Variants in LZTR1 observed in about 807,000 individuals in gnomAD.
The protein encoded by LZTR1 is leucine zipper like post translational regulator 1.
In LZTR1, 260 loss-of-function variants were observed where a neutral mutation model predicts 105.7. That is an observed-to-expected ratio of 2.46 (90% CI 2.22 to 2.72). The LOEUF is 2.72. LZTR1 is among the 30% of genes most tolerant of loss of function. The pLI is 0.00. For missense variants in LZTR1, 1,214 were observed against 1,166.9 expected, an observed-to-expected ratio of 1.04 and a Z score of -0.59; for synonymous variants, 490 against 476.4, an observed-to-expected ratio of 1.03 and a Z score of -0.37.
In LZTR1 at chr22:20,994,138, AG is replaced by A; in HGVS notation, c.1486del (p.Ala496ProfsTer60). ...CAGGAGGCCGCCCCAGTTCCCAGGG[AG>A]GCCCCCGGCGTGGCTGCTGGTGGGG... is the stretch of plus-strand genomic sequence containing the variant. Reference protein sequence around the residue: ...LEQEAAPVPREAPGVAAGGAR... With the variant: ...LEQEAAPVPRXAPGVAAGGAR... On this transcript the variant is annotated frameshift_variant, in exon 14 of 21. Transcript: ENST00000646124. LOFTEE classifies it high-confidence loss of function. 6.3e-7 allele frequency: 1 copy of A among 1,589,666 alleles called. No homozygotes were observed. Among genetic ancestry groups the A allele is most frequent in the Non-Finnish European group, 8.6e-7 (1 of 1,166,896 alleles).
chr22:20,989,695 G>A lies in LZTR1; in HGVS notation c.651+13G>A. 1 of 414,554 alleles carries A rather than the reference G, an allele frequency of 2.4e-6. No homozygotes were observed. The allele number at this position is 414,554 out of a possible 1,614,324, so 25.7% of individuals were successfully genotyped here. On this transcript the variant is annotated intron_variant, in intron 7 of 20. Coordinates refer to ENST00000646124, the MANE Select transcript of LZTR1 (RefSeq NM_006767.4). ...CTGCTGGGAGGAGGTGAGGGGCGTG[G>A]GGAGCCAGGGCGCAGGTAGAGGAGG... is the stretch of plus-strand genomic sequence containing the variant.
At position 20,993,964 on chromosome 22, in the gene LZTR1, C is replaced by T. The variant is rs753757778; in HGVS notation, c.1394C>T (p.Ala465Val). 28 of 1,612,530 alleles carry T rather than the reference C, an allele frequency of 1.7e-5. No homozygotes were observed. The highest frequency in any genetic ancestry group is 3.3e-5 in the South Asian group (3 of 90,898). ...CAGGGCCACGTAGCCATTGTCACAG[C>T]GCGGAGCCGCTGGCTTCGCAGGAAG... Reference protein sequence around the residue: ...CVQGHVAIVTARSRWLRRKIT... With the variant: ...CVQGHVAIVTVRSRWLRRKIT... The change falls in exon 13 of 21, where the codon GCG becomes GTG. Residue 465 changes from alanine to valine, a missense_variant. Transcript: ENST00000646124.
intron 2 of LZTR1, among the ~76,000 whole-genome samples, chr22:20,984,189 T>G (rs1924293824): frequency 1.3e-5 from 2 of 152,224 alleles, no homozygotes; most frequent in African/African-American, 2.4e-5. Flanking sequence ...CATCTTCATT[T>G]GTTCCTGAGG....
chr22:20,989,948 G>A (rs932702641), intron 7 of LZTR1, among the ~76,000 whole-genome samples: 1 of 152,188 alleles, frequency 6.6e-6, no homozygotes, highest in African/African-American at 2.4e-5. Flanking sequence ...GAGGTTTGGT[G>A]CTTTGGATGG....
chr22:20,994,678 T>A lies in LZTR1; in HGVS notation c.1736T>A (p.Val579Glu). The A allele has an allele frequency of 1.2e-6, 2 of 1,612,936 alleles. No homozygotes were observed. Among genetic ancestry groups the A allele is most frequent in the Non-Finnish European group, 1.7e-6 (2 of 1,179,984 alleles). The change falls in exon 15 of 21, where the codon GTG (valine) becomes GAG (glutamate). Residue 579 changes from valine (V) to glutamate (E), a missense_variant. Transcript: ENST00000646124. ...GAGGCCTCCGTGGACCTGCAGAACG[T>A]GCTGGTTGTGTGCGAGAGTGCCGCC... Reference protein sequence around the residue: ...YIEASVDLQNVLVVCESAARL... With the variant: ...YIEASVDLQNELVVCESAARL...
chr22:20,984,613 AG>A (rs55680975), intron 2 of LZTR1, among the ~76,000 whole-genome samples: 3 of 136,564 alleles, frequency 2.2e-5, no homozygotes, highest in East Asian at 4.5e-4. Context: ...GCAAGTAAGG[AG>A]GGGGGGGGGG....
chr22:20,989,165 T>TCAGGCCCAGCCCTGGTTCTTGCCCAGGCC (rs1924508827), intron 6 of LZTR1, among the ~76,000 whole-genome samples: 1 of 152,256 alleles, frequency 6.6e-6, no homozygotes, highest in Non-Finnish European at 1.5e-5. Flanking sequence ...GTGCCCAGGC[T>TCAGGCCCAGCCCTGGTTCTTGCCCAGGCC]CAGGCCCAGC....
At position 20,993,673 on chromosome 22, in the gene LZTR1, C is replaced by T. The variant is rs752388008; in HGVS notation, c.1272C>T (p.Tyr424=). The T allele has an allele frequency of 2.5e-6, 4 of 1,613,434 alleles. No individual in the cohort carries two copies. The highest frequency in any genetic ancestry group is 3.4e-6 in the Non-Finnish European group (4 of 1,179,816). The part of the protein sequence containing the change: ...GEMYRFQFSC[Y]PKCTLHEDYG... ...GGCCCCTCTTGCAGTTCTCCTGTTA[C>T]CCTAAATGCACGCTGCACGAGGACT... Residue 424 remains tyrosine, a synonymous_variant, in exon 12 of 21, where the codon TAC becomes TAT. Coordinates refer to ENST00000646124, the MANE Select transcript of LZTR1 (RefSeq NM_006767.4).
At chr22:20,994,340 G>A in intron 14 of LZTR1, 71 bp downstream of exon 14, 1 of 1,521,674 alleles carries the variant, frequency 6.6e-7, no homozygotes, top group Non-Finnish European at 8.9e-7. Context: ...AAAGGTGGGT[G>A]CTGCCAGCCC....
intron 7 of LZTR1, 92 bp from the exon 8 acceptor site, chr22:20,990,294 A>T: frequency 1.4e-6 from 2 of 1,437,418 alleles, no homozygotes; most frequent in Non-Finnish European, 1.9e-6. Context: ...AAGTTTCAAG[A>T]ATAAAAGCAG....
chr22:20,992,484 C>T, intron 10 of LZTR1, 115 bp downstream of exon 10: 1 of 1,219,106 alleles, frequency 8.2e-7, no homozygotes, highest in South Asian at 1.5e-5. Flanking sequence ...TGGGGTCACA[C>T]CACAAAGGGG....
intron 12 of LZTR1, 31 bp from the exon 13 acceptor site, chr22:20,993,893 G>A (rs541595864): frequency 1.3e-5 from 21 of 1,600,768 alleles, no homozygotes; most frequent in Non-Finnish European, 1.8e-5. Context: ...AGGGTCCTGT[G>A]CCCTCTGCCA....
Position 20,982,572 on chromosome 22 carries a change from G to C in LZTR1, c.200+1G>C, listed in dbSNP as rs1216738448. 3 of 1,611,174 alleles carry C rather than the reference G, an allele frequency of 1.9e-6. No individual in the cohort carries two copies. The highest frequency in any genetic ancestry group is 2.2e-5 in the East Asian group (1 of 44,826). On this transcript the variant is annotated splice_donor_variant, in intron 1 of 20. Transcript: ENST00000646124. LOFTEE classifies it high-confidence loss of function. ...CCTGCGACGAGTTCGTGGGTGCCCGGTACGGTGGGCTTCATGGGGTCCTGA... is the reference window on the plus strand; with the variant it reads ...CCTGCGACGAGTTCGTGGGTGCCCGCTACGGTGGGCTTCATGGGGTCCTGA...
At chr22:20,995,057 C>T in intron 16 of LZTR1, 31 bp downstream of exon 16, 1 of 1,585,582 alleles carries the variant, frequency 6.3e-7, no homozygotes, top group Non-Finnish European at 8.6e-7. Context: ...TCCCTGGGGG[C>T]TGGGAGGGAT....
At chr22:20,995,630 C>A in intron 16 of LZTR1, 116 bp from the exon 17 acceptor site, 1 of 1,315,110 alleles carries the variant, frequency 7.6e-7, no homozygotes, top group Non-Finnish European at 1.1e-6. Context: ...GGCCTTCTGC[C>A]TGGGTGAAGT....
chr22:20,992,642 T>A lies in LZTR1; in HGVS notation c.1150-152T>A, dbSNP rs534074744. The A allele has an allele frequency of 1.9e-3, 1,230 of 636,994 alleles. 10 individuals are homozygous for A. The highest frequency in any genetic ancestry group is 9.2e-3 in the Middle Eastern group (23 of 2,508). 39.5% of individuals were successfully genotyped at this position (636,994 alleles called of 1,614,324 possible). On this transcript the variant is annotated intron_variant, in intron 10 of 20. Coordinates refer to ENST00000646124, the MANE Select transcript of LZTR1 (RefSeq NM_006767.4). ...CTACATGGGTACCAGGTCCCACCTG[T>A]GTCTGTACCCAGGGGCCCTCATCCC...
intron 3 of LZTR1, chr22:20,987,261 G>C: frequency 2.3e-6 from 1 of 442,838 alleles, no homozygotes; most frequent in East Asian, 3.6e-5. Context: ...GGGCATGATG[G>C]TGGGTGCCTG....
intron 11 of LZTR1, 76 bp downstream of exon 11, chr22:20,992,980 G>A: frequency 9.8e-7 from 1 of 1,022,228 alleles, no homozygotes; most frequent in Non-Finnish European, 1.5e-6. Flanking sequence ...CCAAGTTGGG[G>A]GGCAGGGCTT....
intron 4 of LZTR1, 98 bp downstream of exon 4, chr22:20,987,681 C>A: frequency 1.8e-6 from 2 of 1,096,126 alleles, no homozygotes; most frequent in Non-Finnish European, 2.8e-6. Flanking sequence ...GTGCTGTGTA[C>A]AGCAGGGGCT....
Sources: allele counts gnomAD v4.1 joint callset (sites outside exome capture counted in the v4.1 genomes callset), GRCh38; gene constraint gnomAD v4.1.1; transcripts MANE v1.5; gene names NCBI Gene and HGNC (gene_info 2026-07-23, HGNC 2026-07-21).